Variants in NCOA3 observed in about 807,000 individuals in gnomAD.
NCOA3 encodes the protein nuclear receptor coactivator 3.
In NCOA3, 51 loss-of-function variants were observed where a neutral mutation model predicts 158.8. That is an observed-to-expected ratio of 0.32 (90% CI 0.26 to 0.41). The LOEUF (loss-of-function observed/expected upper bound fraction) is 0.41. Among genes scored for constraint, NCOA3 ranks in the 10% least tolerant of loss-of-function variants. NCOA3 has a pLI of 1.00. For synonymous variants in NCOA3, 537 were observed against 592.4 expected (o/e 0.91, Z 1.36); for missense variants, 1,510 against 1,746.6 (o/e 0.86, Z 2.41).
chr20:47,589,235 T>G (rs996708544), intron 2 of NCOA3, among the ~76,000 whole-genome samples: 22 of 152,148 alleles, frequency 1.4e-4, no homozygotes, highest in African/African-American at 4.8e-4. Context: ...AGATATCCAG[T>G]TCCAGGGCTA....
At chr20:47,611,377 A>G (rs548035231) in intron 2 of NCOA3, among the ~76,000 whole-genome samples, 2 of 152,052 alleles carry the variant, frequency 1.3e-5, no homozygotes, top group East Asian at 1.9e-4. Context: ...TTTTATTTTC[A>G]TTATATGCCA....
intron 17 of NCOA3, among the ~76,000 whole-genome samples, chr20:47,646,459 T>G (rs182993434): frequency 9.3e-4 from 142 of 152,328 alleles, no homozygotes; most frequent in African/African-American, 3.2e-3. Context: ...GTGTCTGTTT[T>G]CTGCCTGTTA....
chr20:47,539,597 A>G (rs936985859), intron 1 of NCOA3, among the ~76,000 whole-genome samples: 2 of 152,222 alleles, frequency 1.3e-5, no homozygotes, highest in Non-Finnish European at 2.9e-5. Flanking sequence ...TTTTCTGTTC[A>G]TATGATAGTT....
intron 1 of NCOA3, among the ~76,000 whole-genome samples, chr20:47,575,861 G>A (rs1285735596): frequency 6.6e-6 from 1 of 152,172 alleles, no homozygotes; most frequent in Non-Finnish European, 1.5e-5. Context: ...TTAATACAGC[G>A]ATTTCACTTT....
intron 1 of NCOA3, among the ~76,000 whole-genome samples, chr20:47,552,778 T>TAG (rs1194814898): frequency 6.6e-6 from 1 of 152,214 alleles, no homozygotes; most frequent in African/African-American, 2.4e-5. Flanking sequence ...AGCCTATATT[T>TAG]CATCTGGGTC....
At chr20:47,648,970 T>C (rs754758760) in intron 18 of NCOA3, 35 bp from the exon 19 acceptor site, 3 of 1,369,950 alleles carry the variant, frequency 2.2e-6, no homozygotes, top group Non-Finnish European at 1.0e-6. Context: ...ACTGACGTGC[T>C]CTGCTTGCAT....
chr20:47,552,091 G>A (rs1663318126), intron 1 of NCOA3, among the ~76,000 whole-genome samples: 1 of 152,168 alleles, frequency 6.6e-6, no homozygotes, highest in Admixed American at 6.5e-5. Context: ...ATCACTCATA[G>A]CCCTGAATAC....
chr20:47,651,571 T>C (rs1729902235), intron 20 of NCOA3, among the ~76,000 whole-genome samples: 1 of 152,204 alleles, frequency 6.6e-6, no homozygotes, highest in Admixed American at 6.5e-5. Flanking sequence ...TATGTTCCAG[T>C]ATAGTAGAAC....
chr20:47,569,369 T>G (rs996633663), intron 1 of NCOA3, among the ~76,000 whole-genome samples: 2 of 151,684 alleles, frequency 1.3e-5, no homozygotes, highest in African/African-American at 4.8e-5. Flanking sequence ...CGTCCCCCAA[T>G]AAAAAATAAA....
intron 1 of NCOA3, among the ~76,000 whole-genome samples, chr20:47,574,922 A>G (rs917001373): frequency 6.6e-6 from 1 of 152,222 alleles, no homozygotes. Flanking sequence ...TTTTGACATC[A>G]GCATTATATA....
At chr20:47,597,173 A>G (rs768403809) in intron 2 of NCOA3, among the ~76,000 whole-genome samples, 3 of 152,192 alleles carry the variant, frequency 2.0e-5, no homozygotes, top group Non-Finnish European at 2.9e-5. Flanking sequence ...CCTCTGTGCA[A>G]TCAGTCATCT....
chr20:47,645,385 T>A (rs1468411660), intron 17 of NCOA3, among the ~76,000 whole-genome samples: 1 of 151,960 alleles, frequency 6.6e-6, no homozygotes, highest in Admixed American at 6.6e-5. Context: ...CTCACTGGAG[T>A]CTCAATAGAT....
At chr20:47,609,905 T>C (rs1202450734) in intron 2 of NCOA3, among the ~76,000 whole-genome samples, 1 of 152,208 alleles carries the variant, frequency 6.6e-6, no homozygotes, top group African/African-American at 2.4e-5. Context: ...TGCACATTTC[T>C]TCCCTGAAGC....
intron 16 of NCOA3, 43 bp from the exon 17 acceptor site, chr20:47,642,170 A>G (rs2086622220): frequency 2.0e-6 from 3 of 1,468,264 alleles, no homozygotes; most frequent in Non-Finnish European, 2.7e-6. Context: ...ACTCTTAGAA[A>G]AAAAAAAAGC....
At chr20:47,626,063 C>T (rs1287046837) in intron 5 of NCOA3, among the ~76,000 whole-genome samples, 1 of 152,202 alleles carries the variant, frequency 6.6e-6, no homozygotes, top group Non-Finnish European at 1.5e-5. Context: ...TACACAGATA[C>T]TGGGGTATGA....
intron 19 of NCOA3, among the ~76,000 whole-genome samples, chr20:47,649,810 G>GAA (rs2086751794): frequency 6.6e-6 from 1 of 152,088 alleles, no homozygotes; most frequent in African/African-American, 2.4e-5. Flanking sequence ...ATGTCCTACA[G>GAA]AAAGATGATA....
intron 2 of NCOA3, among the ~76,000 whole-genome samples, chr20:47,621,654 A>ATTTTTTTTTTTTTTTTTTTTTTT (rs749582388): frequency 1.0e-4 from 12 of 119,784 alleles, no homozygotes; most frequent in African/African-American, 4.1e-4. Context: ...CATCAGTCAA[A>ATTTTTTTTTTTTTTTTTTTTTTT]TTTTTTTTTT....
chr20:47,650,263 T>TC (rs1261302969), intron 19 of NCOA3, among the ~76,000 whole-genome samples: 1 of 150,806 alleles, frequency 6.6e-6, no homozygotes, highest in East Asian at 2.0e-4. Context: ...AGAAAGCTTT[T>TC]TTTTTTTTTT....
chr20:47,564,546 CTTT>C (rs11478554), intron 1 of NCOA3, among the ~76,000 whole-genome samples: 2 of 144,640 alleles, frequency 1.4e-5, no homozygotes, highest in Admixed American at 6.9e-5. Context: ...TATTTCTCCT[CTTT>C]TTTTTTTTTT....
Sources: allele counts gnomAD v4.1 joint callset (sites outside exome capture counted in the v4.1 genomes callset), GRCh38; gene constraint gnomAD v4.1.1; transcripts MANE v1.5; gene names NCBI Gene and HGNC (gene_info 2026-07-23, HGNC 2026-07-21).